SLC24A2: variants seen among roughly 807,000 people sequenced by gnomAD.
SLC24A2 encodes solute carrier family 24 member 2.
A neutral mutation model predicts 62.0 loss-of-function variants in SLC24A2; 36 were observed. The ratio of observed to expected loss-of-function variants is 0.58; its 90% confidence interval spans 0.44 to 0.77. The LOEUF is 0.77. SLC24A2 is among the 30% of genes least tolerant of loss of function. The pLI, the probability that SLC24A2 is intolerant of heterozygous loss-of-function variation, is 0.00. For missense variants in SLC24A2, 846 were observed against 817.9 expected (o/e 1.03, Z -0.42); for synonymous variants, 358 against 294.0 (o/e 1.22, Z -2.23).
chr9:19,643,532 G>T (rs1235877546), intron 2 of SLC24A2, among the ~76,000 whole-genome samples: 1 of 152,222 alleles, frequency 6.6e-6, no homozygotes, highest in African/African-American at 2.4e-5. Flanking sequence ...GGGCCAGCAA[G>T]TGAGCCTAAT....
At chr9:20,129,976 T>C in the SLC24A2 span, among the ~76,000 whole-genome samples, 2 of 91,076 alleles carry the variant, frequency 2.2e-5, no homozygotes, top group African/African-American at 6.6e-5. Context: ...GAGGTTAAGA[T>C]TTCCTAGAAG....
chr9:19,941,953 A>C, the SLC24A2 span, among the ~76,000 whole-genome samples: 1 of 152,194 alleles, frequency 6.6e-6, no homozygotes, highest in Non-Finnish European at 1.5e-5. Flanking sequence ...GATTTCCCTC[A>C]AAAGATAAAA....
At chr9:19,744,632 T>C (rs921265155) in intron 2 of SLC24A2, among the ~76,000 whole-genome samples, 2 of 152,170 alleles carry the variant, frequency 1.3e-5, no homozygotes, top group African/African-American at 2.4e-5. Context: ...CAAAAGTAGA[T>C]GGGAATCTGG....
chr9:19,896,895 CATGTT>C, the SLC24A2 span, among the ~76,000 whole-genome samples: 1 of 152,144 alleles, frequency 6.6e-6, no homozygotes, highest in Admixed American at 6.6e-5. Flanking sequence ...TTATGCATGT[CATGTT>C]ATGATTATTC....
At chr9:19,917,972 C>T in the SLC24A2 span, among the ~76,000 whole-genome samples, 1 of 152,100 alleles carries the variant, frequency 6.6e-6, no homozygotes, top group Non-Finnish European at 1.5e-5. Context: ...AAGAGAATAA[C>T]TATCTATTGG....
the SLC24A2 span, among the ~76,000 whole-genome samples, chr9:19,817,517 T>A: frequency 6.6e-6 from 1 of 151,750 alleles, no homozygotes; most frequent in Non-Finnish European, 1.5e-5. Flanking sequence ...TTATGTATAT[T>A]CATTTTTTAT....
chr9:20,258,522 C>A, the SLC24A2 span, among the ~76,000 whole-genome samples: 1 of 152,212 alleles, frequency 6.6e-6, no homozygotes, highest in Admixed American at 6.5e-5. Flanking sequence ...CCTGCTGTCT[C>A]TTCTGGAACC....
the SLC24A2 span, among the ~76,000 whole-genome samples, chr9:20,003,600 G>C: frequency 1.3e-5 from 2 of 152,066 alleles, no homozygotes; most frequent in East Asian, 3.9e-4. Flanking sequence ...ATAAATTATA[G>C]ATTCCACTTG....
At chr9:19,940,143 C>A in the SLC24A2 span, among the ~76,000 whole-genome samples, 1 of 152,202 alleles carries the variant, frequency 6.6e-6, no homozygotes, top group Non-Finnish European at 1.5e-5. Context: ...GTAAGTGGCA[C>A]CGCTTGCATT....
chr9:20,224,789 T>C, the SLC24A2 span, among the ~76,000 whole-genome samples: 986 of 152,158 alleles, frequency 6.5e-3, 14 homozygotes, highest in African/African-American at 0.023. Flanking sequence ...CCTGCCCAGA[T>C]CATTTTCGTG....
chr9:20,164,893 G>A, the SLC24A2 span, among the ~76,000 whole-genome samples: 34 of 148,328 alleles, frequency 2.3e-4, no homozygotes, highest in East Asian at 3.0e-3. Flanking sequence ...AACAACAAAC[G>A]AAACACCGCA....
At chr9:20,110,895 TGAG>T in the SLC24A2 span, among the ~76,000 whole-genome samples, 5 of 152,182 alleles carry the variant, frequency 3.3e-5, no homozygotes, top group Non-Finnish European at 7.3e-5. Context: ...ATCTCTCAAA[TGAG>T]GATCCATTTT....
At chr9:19,571,471 T>C (rs1445549178) in intron 7 of SLC24A2, among the ~76,000 whole-genome samples, 1 of 152,176 alleles carries the variant, frequency 6.6e-6, no homozygotes, top group African/African-American at 2.4e-5. Flanking sequence ...GCAGGCACTG[T>C]ATCACTTTTC....
At chr9:20,210,184 T>C in the SLC24A2 span, among the ~76,000 whole-genome samples, 5 of 152,142 alleles carry the variant, frequency 3.3e-5, no homozygotes, top group African/African-American at 9.7e-5. Flanking sequence ...GTGGTTTTCT[T>C]TGGGGGACAG....
At chr9:19,735,303 C>G (rs200787892) in intron 2 of SLC24A2, among the ~76,000 whole-genome samples, 2 of 152,006 alleles carry the variant, frequency 1.3e-5, no homozygotes, top group South Asian at 2.1e-4. Flanking sequence ...AAAACCACAA[C>G]GAGATACCAT....
the SLC24A2 span, among the ~76,000 whole-genome samples, chr9:20,268,352 C>G: frequency 2.0e-5 from 3 of 152,184 alleles, no homozygotes; most frequent in Non-Finnish European, 4.4e-5. Flanking sequence ...TAACTCCCAA[C>G]ATGGCAGTAT....
At chr9:20,026,453 T>G in the SLC24A2 span, among the ~76,000 whole-genome samples, 1 of 152,184 alleles carries the variant, frequency 6.6e-6, no homozygotes, top group African/African-American at 2.4e-5. Context: ...AAAAAATCCC[T>G]AGGACCATTT....
the SLC24A2 span, among the ~76,000 whole-genome samples, chr9:20,059,394 A>G: frequency 6.6e-6 from 1 of 152,192 alleles, no homozygotes; most frequent in African/African-American, 2.4e-5. Context: ...TGGACCATAT[A>G]CTAAACCATA....
At chr9:19,809,955 C>T in the SLC24A2 span, among the ~76,000 whole-genome samples, 2 of 152,108 alleles carry the variant, frequency 1.3e-5, no homozygotes, top group Non-Finnish European at 2.9e-5. Flanking sequence ...TTCCTGGTGC[C>T]AGACAACAAA....
Sources: allele counts gnomAD v4.1 joint callset (sites outside exome capture counted in the v4.1 genomes callset), GRCh38; gene constraint gnomAD v4.1.1; transcripts MANE v1.5; gene names NCBI Gene and HGNC (gene_info 2026-07-23, HGNC 2026-07-21).